ERC1: variants seen among roughly 807,000 people sequenced by gnomAD.
ERC1 encodes the protein RAB6 interacting protein 2.
Under a neutral mutation model 132.0 loss-of-function variants are expected in ERC1, and 56 were observed. That is an observed-to-expected ratio of 0.42 (90% CI 0.34 to 0.53). ERC1 has a LOEUF of 0.53. ERC1 is among the 20% of genes least tolerant of loss of function. ERC1 has a pLI of 0.03. For synonymous variants in ERC1, 478 were observed against 476.1 expected (o/e 1.00, Z -0.05); for missense variants, 1,202 against 1,349.9 (o/e 0.89, Z 1.72).
chr12:1,455,117 T>G (rs2093502900), intron 18 of ERC1, among the ~76,000 whole-genome samples: 1 of 152,246 alleles, frequency 6.6e-6, no homozygotes, highest in African/African-American at 2.4e-5. Flanking sequence ...ATAGAAATAC[T>G]TATTTTTGGA....
At chr12:1,371,217 A>T (rs2087189744) in intron 15 of ERC1, among the ~76,000 whole-genome samples, 1 of 150,592 alleles carries the variant, frequency 6.6e-6, no homozygotes, top group Non-Finnish European at 1.5e-5. Flanking sequence ...TCTGCCTTGC[A>T]ACCACCATTC....
At chr12:1,062,204 T>C (rs892308758) in intron 2 of ERC1, among the ~76,000 whole-genome samples, 4 of 151,984 alleles carry the variant, frequency 2.6e-5, no homozygotes, top group Non-Finnish European at 4.4e-5. Context: ...AGGATGGTCT[T>C]GATCTCCAGA....
chr12:1,282,545 G>GA (rs1434850797), intron 14 of ERC1, among the ~76,000 whole-genome samples: 1 of 152,094 alleles, frequency 6.6e-6, no homozygotes, highest in Non-Finnish European at 1.5e-5. Flanking sequence ...GAACGTATTG[G>GA]AAAAAAGAGA....
At chr12:1,311,860 A>G (rs986278424) in intron 15 of ERC1, among the ~76,000 whole-genome samples, 1 of 152,196 alleles carries the variant, frequency 6.6e-6, no homozygotes, top group Non-Finnish European at 1.5e-5. Context: ...CACCAGCTGG[A>G]TGATAGGAAA....
chr12:1,027,786 G>A lies in ERC1; in HGVS notation c.-118G>A, dbSNP rs983783947. Reference sequence around the variant, plus strand: ...TACTTCTTCAAGATTGGACAGCTGGGGACCTTCTTCTGATTAACCTTAAAC... The same window carrying A: ...TACTTCTTCAAGATTGGACAGCTGGAGACCTTCTTCTGATTAACCTTAAAC... On this transcript the variant is annotated 5_prime_UTR_variant, in exon 2 of 19. Coordinates refer to ENST00000360905, the MANE Select transcript of ERC1 (RefSeq NM_178040.4). The A allele has an allele frequency of 4.3e-5, 33 of 760,680 alleles. No individual in the cohort carries two copies. The African/African-American group carries it at 4.9e-4, about 11-fold the overall frequency. 47.1% of individuals were successfully genotyped at this position (760,680 alleles called of 1,614,324 possible). A position where few individuals can be genotyped will look rare whatever the true frequency, so the allele number is the denominator to read the frequency against.
At chr12:1,157,228 C>T (rs1053821731) in intron 8 of ERC1, among the ~76,000 whole-genome samples, 1 of 152,126 alleles carries the variant, frequency 6.6e-6, no homozygotes, top group Middle Eastern at 3.2e-3. Context: ...CTCAGACTCT[C>T]GAGTAGCTGG....
chr12:1,239,129 G>A (rs1030973309), intron 13 of ERC1, among the ~76,000 whole-genome samples: 2 of 151,964 alleles, frequency 1.3e-5, no homozygotes, highest in Non-Finnish European at 1.5e-5. Flanking sequence ...TTACTTATTT[G>A]ACAGACAGTC....
intron 1 of ERC1, among the ~76,000 whole-genome samples, chr12:1,006,484 A>G (rs1242689227): frequency 6.6e-6 from 1 of 151,906 alleles, no homozygotes; most frequent in Admixed American, 6.6e-5. Context: ...TCCACTCCTA[A>G]GTGATCTACC....
chr12:1,026,797 TCTTC>T (rs1284712705), intron 1 of ERC1, among the ~76,000 whole-genome samples: 1 of 152,260 alleles, frequency 6.6e-6, no homozygotes, highest in South Asian at 2.1e-4. Context: ...TTGAGGGCTG[TCTTC>T]CTTCCTTGTT....
intron 13 of ERC1, 56 bp downstream of exon 13, chr12:1,236,960 G>A (rs1031532216): frequency 3.3e-5 from 53 of 1,588,052 alleles, no homozygotes; most frequent in Non-Finnish European, 4.1e-5. Flanking sequence ...ATCCGTAATC[G>A]CATGTTGTTT....
chr12:1,274,544 G>T (rs1394419893), intron 14 of ERC1, among the ~76,000 whole-genome samples: 2 of 151,694 alleles, frequency 1.3e-5, no homozygotes. Flanking sequence ...CCAGGCTGGA[G>T]TGCAGTGGTG....
intron 7 of ERC1, among the ~76,000 whole-genome samples, chr12:1,123,865 C>T (rs536046298): frequency 2.6e-5 from 4 of 152,256 alleles, no homozygotes; most frequent in South Asian, 2.1e-4. Context: ...CGTGGTGGCA[C>T]GCACCTGTAG....
At chr12:1,222,356 A>G (rs1299145560) in intron 12 of ERC1, among the ~76,000 whole-genome samples, 2 of 151,702 alleles carry the variant, frequency 1.3e-5, no homozygotes, top group Non-Finnish European at 2.9e-5. Flanking sequence ...CAGACTCCTG[A>G]GTAGCTGGGA....
chr12:1,239,534 C>G (rs1470698002), intron 13 of ERC1, among the ~76,000 whole-genome samples: 2 of 152,108 alleles, frequency 1.3e-5, no homozygotes, highest in African/African-American at 4.8e-5. Context: ...CCAGCCTGAG[C>G]AACATAGACC....
chr12:1,236,915 A>G lies in ERC1; in HGVS notation c.2487+11A>G, dbSNP rs2075453325. On this transcript the variant is annotated intron_variant, in intron 13 of 18. Transcript: ENST00000360905. Reference sequence around the variant, plus strand: ...TCTCAGCAGCTACAGGTTAGAACACAAGGAGAATCTGAAAGGATCGGGTGA... The same window carrying G: ...TCTCAGCAGCTACAGGTTAGAACACGAGGAGAATCTGAAAGGATCGGGTGA... 2 of 1,613,358 alleles carry G rather than the reference A, an allele frequency of 1.2e-6. No individual in the cohort carries two copies. Among genetic ancestry groups the G allele is most frequent in the African/African-American group, 2.7e-5 (2 of 75,030 alleles).
chr12:1,440,450 C>CA (rs2093097887), intron 17 of ERC1, among the ~76,000 whole-genome samples: 1 of 150,806 alleles, frequency 6.6e-6, no homozygotes, highest in African/African-American at 2.4e-5. Flanking sequence ...TCGTGATCTG[C>CA]CCTCCTTGGC....
At chr12:1,411,510 G>A (rs1337629837) in intron 17 of ERC1, among the ~76,000 whole-genome samples, 3 of 152,062 alleles carry the variant, frequency 2.0e-5, no homozygotes, top group Non-Finnish European at 4.4e-5. Context: ...CTGTCCAGAT[G>A]GCTTTATCCT....
chr12:1,358,453 T>A (rs1341357699), intron 15 of ERC1, among the ~76,000 whole-genome samples: 1 of 152,146 alleles, frequency 6.6e-6, no homozygotes, highest in Admixed American at 6.5e-5. Flanking sequence ...ATGCTAAAAA[T>A]CCAGTCTTGG....
intron 15 of ERC1, among the ~76,000 whole-genome samples, chr12:1,357,804 A>G (rs1014451142): frequency 6.6e-6 from 1 of 152,194 alleles, no homozygotes; most frequent in African/African-American, 2.4e-5. Context: ...CTGTGAACCT[A>G]CTACTTAGCT....
Sources: gnomAD v4.1 joint callset for allele counts (sites outside exome capture counted in the v4.1 genomes callset) on GRCh38, gnomAD v4.1.1 for gene constraint, MANE v1.5 for transcripts, NCBI Gene and HGNC (gene_info 2026-07-23, HGNC 2026-07-21) for gene names.